CGRRF1: variants seen among roughly 807,000 people sequenced by gnomAD.
CGRRF1 encodes the protein cell growth regulator with RING finger domain protein 1.
In CGRRF1, 32 loss-of-function variants were observed where a neutral mutation model predicts 37.2. The observed-to-expected ratio is 0.86, with a 90% CI of 0.65 to 1.16. CGRRF1 has a LOEUF of 1.16. Ranked by LOEUF, CGRRF1 falls within the 50% of genes most tolerant of loss-of-function variation. The pLI is 0.00. For synonymous variants in CGRRF1, 141 were observed against 140.3 expected, an observed-to-expected ratio of 1.00 and a Z score of -0.04; for missense variants, 391 against 382.6, an observed-to-expected ratio of 1.02 and a Z score of -0.18.
chr14:54,512,129 C>G (rs1027465803), intron 1 of CGRRF1, among the ~76,000 whole-genome samples: 1 of 152,140 alleles, frequency 6.6e-6, no homozygotes, highest in Non-Finnish European at 1.5e-5. Flanking sequence ...TCACCCTTGT[C>G]ATTGTTTTGT....
Position 54,510,056 on chromosome 14 carries a change from T to G in CGRRF1, c.97T>G (p.Leu33Val). The G allele has an allele frequency of 1.9e-6, 3 of 1,609,988 alleles. No individual in the cohort carries two copies. Among genetic ancestry groups the G allele is most frequent in the Non-Finnish European group, 2.6e-6 (3 of 1,176,360 alleles). ...TCFIVTTGLVLGWFGWDVPVI... is the reference protein window; with the variant it reads ...TCFIVTTGLVVGWFGWDVPVI... ...CTTCATCGTGACCACCGGCCTGGTA[T>G]TGGGATGGTAAGTGTCCCAGGGGTG... Residue 33 changes from leucine (L) to valine (V), a missense_variant, in exon 1 of 6, where the codon TTG becomes GTG. By Grantham distance (32) the Leu-to-Val change is conservative (BLOSUM62 1). Coordinates refer to ENST00000216420, the MANE Select transcript of CGRRF1 (RefSeq NM_006568.3).
In CGRRF1 at chr14:54,530,030, TCTC is replaced by T. The variant is rs750050071; in HGVS notation, c.245-16_245-14del. 6.3e-7 allele frequency: 1 copy of T among 1,588,294 alleles called. No individual in the cohort carries two copies. The highest frequency in any genetic ancestry group is 1.3e-5 in the African/African-American group (1 of 74,242). ...GTTACATTAAATCACTTTCATTCTT[TCTC>T]CTTTGTTTTTTACAGCTGGCATAAC... On this transcript the variant is annotated splice_polypyrimidine_tract_variant and intron_variant, in intron 2 of 5. Coordinates refer to ENST00000216420, the MANE Select transcript of CGRRF1 (RefSeq NM_006568.3).
intron 1 of CGRRF1, among the ~76,000 whole-genome samples, chr14:54,514,830 T>C (rs2140054126): frequency 6.6e-6 from 1 of 152,316 alleles, no homozygotes; most frequent in South Asian, 2.1e-4. Flanking sequence ...TAATTTAAAA[T>C]AATTTCCCTT....
At chr14:54,525,264 C>T (rs544975572) in intron 2 of CGRRF1, among the ~76,000 whole-genome samples, 2 of 152,282 alleles carry the variant, frequency 1.3e-5, no homozygotes, top group East Asian at 3.9e-4. Context: ...ACATTGTGAG[C>T]AAAACACAGG....
chr14:54,524,393 T>A (rs577926250), intron 2 of CGRRF1, among the ~76,000 whole-genome samples: 134 of 150,780 alleles, frequency 8.9e-4, no homozygotes, highest in Admixed American at 1.7e-3. Context: ...ATGTTTTTTT[T>A]TTTTTTTTTC....
At chr14:54,523,422 T>C (rs1007691722) in intron 2 of CGRRF1, among the ~76,000 whole-genome samples, 1 of 152,146 alleles carries the variant, frequency 6.6e-6, no homozygotes, top group African/African-American at 2.4e-5. Flanking sequence ...ATAGGAACCA[T>C]TAGAATTGTA....
chr14:54,537,806 C>G lies in CGRRF1; in HGVS notation c.655C>G (p.Gln219Glu), dbSNP rs774246276. Residue 219 changes from glutamine to glutamate, a missense_variant, in exon 5 of 6, where the codon CAA becomes GAA. Transcript: ENST00000216420. Reference protein sequence around the residue: ...RILYQYLLLAQGQFHDLKQLF... With the variant: ...RILYQYLLLAEGQFHDLKQLF... Reference sequence around the variant, plus strand: ...ATTGTATCAATATTTACTCTTGGCTCAAGGTCAATTTCATGATCTTAAGGT... The same window carrying G: ...ATTGTATCAATATTTACTCTTGGCTGAAGGTCAATTTCATGATCTTAAGGT... The G allele has an allele frequency of 8.7e-6, 14 of 1,603,166 alleles. No homozygotes were observed. The highest frequency in any genetic ancestry group is 1.1e-5 in the Non-Finnish European group (13 of 1,177,324).
chr14:54,536,835 A>G (rs1477627473), intron 4 of CGRRF1: 1 of 152,080 alleles, frequency 6.6e-6, no homozygotes, highest in Non-Finnish European at 1.5e-5. Context: ...TTTATCATGT[A>G]TATTTTTAAT....
intron 2 of CGRRF1, among the ~76,000 whole-genome samples, chr14:54,525,553 A>G (rs2032397758): frequency 6.6e-6 from 1 of 152,242 alleles, no homozygotes; most frequent in East Asian, 1.9e-4. Context: ...CTATGGGGAA[A>G]TAGAAGGATT....
At chr14:54,529,341 A>G (rs1325815510) in intron 2 of CGRRF1, among the ~76,000 whole-genome samples, 2 of 152,224 alleles carry the variant, frequency 1.3e-5, no homozygotes, top group Non-Finnish European at 2.9e-5. Context: ...ATAAAACTGT[A>G]TAATTTCACA....
intron 1 of CGRRF1, among the ~76,000 whole-genome samples, chr14:54,515,999 CCT>C (rs775368801): frequency 1.3e-5 from 2 of 151,818 alleles, no homozygotes; most frequent in African/African-American, 2.4e-5. Context: ...TTTCTTTTCC[CCT>C]CTTTTATTTT....
intron 1 of CGRRF1, among the ~76,000 whole-genome samples, chr14:54,516,553 G>A (rs2032219875): frequency 6.6e-6 from 1 of 150,874 alleles, no homozygotes. Context: ...CCTTTTCTTT[G>A]GCTACCGTAG....
intron 1 of CGRRF1, among the ~76,000 whole-genome samples, chr14:54,514,493 C>A (rs557699845): frequency 6.6e-6 from 1 of 152,298 alleles, no homozygotes; most frequent in South Asian, 2.1e-4. Flanking sequence ...AGGTTTGTTA[C>A]ATAGGTAAAC....
At chr14:54,526,359 C>T (rs2032412052) in intron 2 of CGRRF1, among the ~76,000 whole-genome samples, 1 of 151,368 alleles carries the variant, frequency 6.6e-6, no homozygotes, top group African/African-American at 2.4e-5. Context: ...CCGTGTTATC[C>T]AGGATGGTCT....
rs531769428 is a variant in CGRRF1, at chr14:54,510,410, C to G, written c.104+347C>G. The G allele has an allele frequency of 4.9e-4, 159 of 323,824 alleles. 4 individuals carry two copies. The South Asian group carries it at 4.9e-3, about 10-fold the overall frequency. 20.1% of individuals were successfully genotyped at this position (323,824 alleles called of 1,614,324 possible). On this transcript the variant is annotated intron_variant, in intron 1 of 5. Transcript: ENST00000216420. ...GTGCTTCTCTAGTAGGCTTCTGTCC[C>G]GGATTCGGGCCTACTGTGTGTCCTG...
At position 54,531,844 on chromosome 14, in the gene CGRRF1, A is replaced by T. The variant is rs147424537; in HGVS notation, c.570+794A>T. Among the ~76,000 whole-genome samples the T allele has an allele frequency of 2.3e-3, 353 of 152,290 alleles. 1 individual carries two copies. The highest frequency in any genetic ancestry group is 7.8e-3 in the African/African-American group (326 of 41,576). On this transcript the variant is annotated intron_variant, in intron 4 of 5. Transcript: ENST00000216420. Reference sequence around the variant, plus strand: ...TAGACATGAAATAAACTTTTGATGAAATTGTATCATGGTAAAAATGTCCTT... The same window carrying T: ...TAGACATGAAATAAACTTTTGATGATATTGTATCATGGTAAAAATGTCCTT...
chr14:54,512,449 A>C (rs2032144966), intron 1 of CGRRF1, among the ~76,000 whole-genome samples: 1 of 152,240 alleles, frequency 6.6e-6, no homozygotes, highest in African/African-American at 2.4e-5. Flanking sequence ...ATCCTTTAAC[A>C]GTTTCAAATA....
intron 1 of CGRRF1, among the ~76,000 whole-genome samples, chr14:54,511,235 C>T (rs1313988676): frequency 6.6e-6 from 1 of 152,192 alleles, no homozygotes; most frequent in Non-Finnish European, 1.5e-5. Flanking sequence ...TTAACCTGTC[C>T]ACACTGCTCC....
chr14:54,518,033 A>T (rs999545471), intron 1 of CGRRF1, among the ~76,000 whole-genome samples: 6 of 152,184 alleles, frequency 3.9e-5, no homozygotes, highest in Non-Finnish European at 7.3e-5. Flanking sequence ...ACTAATGGGC[A>T]TTTGGGTTGA....
Sources: gnomAD v4.1 joint callset for allele counts (sites outside exome capture counted in the v4.1 genomes callset) on GRCh38, gnomAD v4.1.1 for gene constraint, MANE v1.5 for transcripts, NCBI Gene and HGNC (gene_info 2026-07-23, HGNC 2026-07-21) for gene names.